The following OTUD4 variants were observed in gnomAD, a reference collection of about 807,000 sequenced individuals.
OTUD4 encodes the protein OTU domain-containing protein 4.
OTUD4 carries 24 observed loss-of-function variants against 130.4 expected under a neutral mutation model. The observed-to-expected ratio is 0.18, with a 90% CI of 0.13 to 0.26. OTUD4 has a LOEUF of 0.26. OTUD4 is among the 10% of genes least tolerant of loss of function. The pLI, the probability that OTUD4 is intolerant of heterozygous loss-of-function variation, is 1.00. For missense variants in OTUD4, 1,031 were observed against 1,329.4 expected (o/e 0.78, Z 3.49); for synonymous variants, 420 against 472.5 (o/e 0.89, Z 1.44).
intron 11 of OTUD4, 149 bp downstream of exon 11, chr4:145,152,392 T>A: frequency 1.8e-6 from 1 of 569,988 alleles, no homozygotes; most frequent in African/African-American, 1.9e-5. Flanking sequence ...ATTACAGGCA[T>A]GAGCCACCGT....
chr4:145,145,893 A>C (rs1185143399), intron 14 of OTUD4, among the ~76,000 whole-genome samples: 4 of 152,222 alleles, frequency 2.6e-5, no homozygotes, highest in Non-Finnish European at 5.9e-5. Context: ...CCTGAAAGAC[A>C]GCTCTCAAAA....
At position 145,143,579 on chromosome 4, in the gene OTUD4, T is replaced by C. The variant is rs1750686259; in HGVS notation, c.1603-134A>G. Reference sequence around the variant, plus strand: ...CACCACTGAGTATTTTTTCCAATTATATGTTATTTTCAACAGGTAGGCTAA... The same window carrying C: ...CACCACTGAGTATTTTTTCCAATTACATGTTATTTTCAACAGGTAGGCTAA... On this transcript the variant is annotated intron_variant, in intron 16 of 20. Transcript: ENST00000447906. The C allele has an allele frequency of 6.5e-6, 4 of 613,968 alleles. No individual in the cohort carries two copies. The South Asian group carries it at 8.1e-5, about 12-fold the overall frequency. 38.0% of individuals were successfully genotyped at this position (613,968 alleles called of 1,614,324 possible). A position where few individuals can be genotyped will look rare whatever the true frequency, so the allele number is the denominator to read the frequency against.
intron 6 of OTUD4, among the ~76,000 whole-genome samples, chr4:145,159,994 T>C (rs1751480319): frequency 6.6e-6 from 1 of 152,236 alleles, no homozygotes; most frequent in Non-Finnish European, 1.5e-5. Context: ...CAGCTTTATA[T>C]ATCCTTACGT....
chr4:145,150,648 G>A lies in OTUD4; in HGVS notation c.1124C>T (p.Ser375Leu). 1.9e-6 allele frequency: 3 copies of A among 1,611,834 alleles called. No homozygotes were observed. The highest frequency in any genetic ancestry group is 2.5e-6 in the Non-Finnish European group (3 of 1,178,046). ...ATGCTGCAGTCGAGGAGGTAGTGCT[G>A]ATGGGGCTTTTATTGGCTTGCTTGG... Reference protein sequence around the residue: ...KNPSKPIKAPSALPPRLQHPS... With the variant: ...KNPSKPIKAPLALPPRLQHPS... Residue 375 changes from serine to leucine, a missense_variant, in exon 13 of 21, where the codon TCA (serine) becomes TTA (leucine). Around this residue, in one of 3 missense-constraint regions of OTUD4, gnomAD observed 900 missense variants for 1,095.9 expected, o/e 0.82. Coordinates refer to ENST00000447906, the MANE Select transcript of OTUD4 (RefSeq NM_001366057.1).
intron 19 of OTUD4, among the ~76,000 whole-genome samples, chr4:145,140,386 T>G (rs925209466): frequency 6.6e-6 from 1 of 152,188 alleles, no homozygotes; most frequent in East Asian, 1.9e-4. Flanking sequence ...GTAGCATCAT[T>G]TGCAGGATAA....
chr4:145,141,913 T>C (rs1174396335), intron 18 of OTUD4, among the ~76,000 whole-genome samples: 2 of 152,134 alleles, frequency 1.3e-5, no homozygotes, highest in East Asian at 3.9e-4. Flanking sequence ...AGCTGGCCCA[T>C]GAAGGAAGCA....
At chr4:145,162,370 G>A (rs927592343) in intron 6 of OTUD4, among the ~76,000 whole-genome samples, 33 of 152,038 alleles carry the variant, frequency 2.2e-4, no homozygotes, top group African/African-American at 7.5e-4. Flanking sequence ...TGGCTAACAC[G>A]GTGAAACCTA....
At chr4:145,168,388 AT>A (rs1284907245) in intron 3 of OTUD4, among the ~76,000 whole-genome samples, 227 of 142,096 alleles carry the variant, frequency 1.6e-3, no homozygotes, top group African/African-American at 5.4e-3. Flanking sequence ...TCAAAAAAAA[AT>A]AATAAATAAA....
chr4:145,156,614 C>T (rs1452187626), intron 7 of OTUD4, among the ~76,000 whole-genome samples: 1 of 150,858 alleles, frequency 6.6e-6, no homozygotes, highest in Non-Finnish European at 1.5e-5. Context: ...ACCCGGGAGG[C>T]GGAGGTTGCA....
chr4:145,159,285 T>C (rs1751439007), intron 7 of OTUD4: 1 of 1,351,360 alleles, frequency 7.4e-7, no homozygotes. Flanking sequence ...TAAATTCTCA[T>C]CAACCAAAAA....
chr4:145,163,649 TGTG>T (rs1424270312), intron 5 of OTUD4, among the ~76,000 whole-genome samples: 4 of 151,642 alleles, frequency 2.6e-5, no homozygotes, highest in Admixed American at 1.3e-4. Context: ...TACAGTAACT[TGTG>T]GGAGCAAAAA....
At chr4:145,139,290 A>AT (rs1750443344) in intron 20 of OTUD4, among the ~76,000 whole-genome samples, 1 of 152,230 alleles carries the variant, frequency 6.6e-6, no homozygotes, top group Non-Finnish European at 1.5e-5. Context: ...GTTTCTTTTT[A>AT]TGAAAGTGGT....
At chr4:145,156,620 T>C (rs755872500) in intron 7 of OTUD4, among the ~76,000 whole-genome samples, 1 of 151,642 alleles carries the variant, frequency 6.6e-6, no homozygotes, top group Non-Finnish European at 1.5e-5. Context: ...GAGGCGGAGG[T>C]TGCAGTGAGC....
rs1579238459 is a variant in OTUD4, at chr4:145,138,441, A to C, written c.2334T>G (p.Gly778=). The change falls in exon 21 of 21, where the codon GGT becomes GGG. Residue 778 remains glycine (G), a synonymous_variant. Transcript: ENST00000447906. ...GTCCAATCTCTGGCTGTGGCATTTG[A>C]CCATTAACACTGGCCTCAGTCTGCA... ...FPMQTEASVN[G]QMPQPEIGPP... The C allele has an allele frequency of 1.2e-6, 2 of 1,614,200 alleles. No homozygotes were observed. Among genetic ancestry groups the C allele is most frequent in the East Asian group, 4.5e-5 (2 of 44,880 alleles).
intron 3 of OTUD4, among the ~76,000 whole-genome samples, chr4:145,167,185 A>G (rs1751920751): frequency 6.6e-6 from 1 of 152,226 alleles, no homozygotes; most frequent in Admixed American, 6.5e-5. Flanking sequence ...GTCGGTAAAG[A>G]CTTAATACAT....
In OTUD4 at chr4:145,177,821, T is replaced by C. The variant is rs555439358; in HGVS notation, c.159+1994A>G. ...AAACTGCCACTTAGATTATTTACTT[T>C]GATTCCTTCTTAGAAATGATGAGTA... On this transcript the variant is annotated intron_variant, in intron 1 of 20. Transcript: ENST00000447906. Among the ~76,000 whole-genome samples the C allele has an allele frequency of 2.0e-5, 3 of 152,364 alleles. No homozygotes were observed. In the East Asian group the frequency reaches 5.8e-4, roughly 29 times the overall value.
In OTUD4 at chr4:145,162,766, T is replaced by C. The variant is rs575574656; in HGVS notation, c.415-45A>G. 10 of 966,748 alleles carry C rather than the reference T, an allele frequency of 1.0e-5. No homozygotes were observed. In the East Asian group the frequency reaches 2.0e-4, roughly 19 times the overall value. 59.9% of individuals were successfully genotyped at this position (966,748 alleles called of 1,614,324 possible). A position where few individuals can be genotyped will look rare whatever the true frequency, so the allele number is the denominator to read the frequency against. On this transcript the variant is annotated intron_variant, in intron 5 of 20. Transcript: ENST00000447906. The stretch of plus-strand genomic sequence containing the variant: ...GAAACATTTCAGCCCCTCATACATA[T>C]AACATTTACATAGCAATGTATGTCT...
intron 3 of OTUD4, among the ~76,000 whole-genome samples, chr4:145,165,800 A>C (rs1437163306): frequency 6.6e-6 from 1 of 152,144 alleles, no homozygotes; most frequent in East Asian, 1.9e-4. Flanking sequence ...ATTGAAGGCA[A>C]GGGCTATCCT....
chr4:145,179,887 C>T lies in OTUD4; in HGVS notation c.87G>A (p.Leu29=). The change falls in exon 1 of 21, where the codon CTG becomes CTA. Residue 29 remains leucine (L), a synonymous_variant. Coordinates refer to ENST00000447906, the MANE Select transcript of OTUD4 (RefSeq NM_001366057.1). ...REDATPMDAY[L]RKLGLYRKLV... is the part of the protein sequence containing the mutation. ...GTTTCCGATACAAGCCCAGTTTCCG[C>T]AGATAGGCGTCCATGGGCGTCGCGT... is the stretch of plus-strand genomic sequence containing the variant. The T allele has an allele frequency of 1.3e-6, 2 of 1,529,902 alleles. No homozygotes were observed. Among genetic ancestry groups the T allele is most frequent in the African/African-American group, 1.4e-5 (1 of 72,352 alleles). The allele number at this position is 1,529,902 out of a possible 1,614,324, so 94.8% of individuals were successfully genotyped here.
Sources: gnomAD v4.1 joint callset for allele counts (sites outside exome capture counted in the v4.1 genomes callset) on GRCh38, gnomAD v4.1.1 for gene constraint, gnomAD v4.1.1 regional missense constraint, MANE v1.5 for transcripts, NCBI Gene and HGNC (gene_info 2026-07-23, HGNC 2026-07-21) for gene names.